The following DOP1B variants were observed in gnomAD, a reference collection of about 807,000 sequenced individuals.
DOP1B encodes protein DOP1B.
Under a neutral mutation model 233.5 loss-of-function variants are expected in DOP1B, and 174 were observed. That is an observed-to-expected ratio of 0.75 (90% CI 0.66 to 0.85). DOP1B has a LOEUF of 0.85. Among genes scored for constraint, DOP1B ranks in the 40% least tolerant of loss-of-function variants. The probability of loss-of-function intolerance (pLI) is 0.00; values close to 1 mark genes in which losing one functional copy is unlikely to be tolerated. For synonymous variants in DOP1B, 1,190 were observed against 1,185.6 expected (o/e 1.00, Z -0.08); for missense variants, 2,652 against 2,846.6 (o/e 0.93, Z 1.56).
At chr21:36,173,353 G>A (rs759690269) in intron 2 of DOP1B, among the ~76,000 whole-genome samples, 1 of 151,832 alleles carries the variant, frequency 6.6e-6, no homozygotes, top group Non-Finnish European at 1.5e-5. Context: ...GATTCTAATG[G>A]TATCATTTTC....
chr21:36,234,924 G>A (rs969394902), intron 15 of DOP1B, among the ~76,000 whole-genome samples: 2 of 152,146 alleles, frequency 1.3e-5, no homozygotes, highest in African/African-American at 4.8e-5. Flanking sequence ...ATTGTATGAT[G>A]ATCAAATCAT....
chr21:36,236,776 T>TC (rs1491414004), intron 15 of DOP1B, among the ~76,000 whole-genome samples: 1 of 112,882 alleles, frequency 8.9e-6, no homozygotes, highest in Non-Finnish European at 1.9e-5. Context: ...TTTTTCTTTT[T>TC]CTTTTTTTTT....
At chr21:36,287,707 C>T (rs1173635905) in intron 32 of DOP1B, among the ~76,000 whole-genome samples, 2 of 150,778 alleles carry the variant, frequency 1.3e-5, no homozygotes, top group Non-Finnish European at 2.9e-5. Context: ...CTGCCTCAGC[C>T]TCCCAAGTAG....
chr21:36,238,650 CAA>C lies in DOP1B; in HGVS notation c.2826_2827del (p.Glu944AspfsTer14), dbSNP rs536768028. 122 of 1,614,116 alleles carry C rather than the reference CAA, an allele frequency of 7.6e-5. No individual in the cohort carries two copies. The highest frequency in any genetic ancestry group is 1.0e-4 in the Non-Finnish European group (121 of 1,180,052). On this transcript the variant is annotated frameshift_variant, in exon 17 of 37. Coordinates refer to ENST00000691173, the MANE Select transcript of DOP1B (RefSeq NM_001320714.2). LOFTEE classifies it high-confidence loss of function. ...AGATTTTCCGTGATCTGGCATCTGA[CAA>C]GAGAGATCCAAGGCAGTCGAGTAAC... is the stretch of plus-strand genomic sequence containing the variant.
At chr21:36,232,719 C>T in intron 14 of DOP1B, 85 bp from the exon 15 acceptor site, 1 of 1,567,910 alleles carries the variant, frequency 6.4e-7, no homozygotes, top group Non-Finnish European at 8.7e-7. Context: ...CTTCCCAGAT[C>T]TAGGGTGCTG....
intron 12 of DOP1B, among the ~76,000 whole-genome samples, chr21:36,227,277 G>A (rs989499191): frequency 6.6e-6 from 1 of 151,668 alleles, no homozygotes; most frequent in Non-Finnish European, 1.5e-5. Flanking sequence ...GTCAGGCACG[G>A]TGGCTCACGC....
At chr21:36,214,757 G>A (rs183438870) in intron 9 of DOP1B, among the ~76,000 whole-genome samples, 3 of 152,190 alleles carry the variant, frequency 2.0e-5, no homozygotes, top group Non-Finnish European at 4.4e-5. Flanking sequence ...GGGCGCAGTG[G>A]CTCATGCCTG....
At chr21:36,209,515 T>C (rs1601413567) in intron 5 of DOP1B, among the ~76,000 whole-genome samples, 1 of 152,360 alleles carries the variant, frequency 6.6e-6, no homozygotes, top group Non-Finnish European at 1.5e-5. Flanking sequence ...GCAGAGGGTC[T>C]GCTGCATTGG....
At chr21:36,240,399 G>A (rs1455496218) in intron 18 of DOP1B, among the ~76,000 whole-genome samples, 2 of 152,172 alleles carry the variant, frequency 1.3e-5, no homozygotes, top group East Asian at 1.9e-4. Flanking sequence ...AGAATCTCTT[G>A]AACCCGGGAG....
chr21:36,241,110 C>A (rs1423290410), intron 18 of DOP1B, among the ~76,000 whole-genome samples: 1 of 151,732 alleles, frequency 6.6e-6, no homozygotes, highest in East Asian at 1.9e-4. Context: ...CTGGCTAACA[C>A]GGTGAAACCC....
chr21:36,164,707 G>C lies in DOP1B; in HGVS notation c.-26-1G>C. On this transcript the variant is annotated splice_acceptor_variant, in intron 1 of 36. Transcript: ENST00000691173. LOFTEE classifies it low-confidence loss of function (5UTR_SPLICE). ...TTGGTTATTTTTTGATTTGCTTTTA[G>C]ATACTTTTCTGCTGTGAGAATGTAA... 6.5e-7 allele frequency: 1 copy of C among 1,538,212 alleles called. No homozygotes were observed. Among genetic ancestry groups the C allele is most frequent in the Non-Finnish European group, 8.7e-7 (1 of 1,144,538 alleles).
intron 4 of DOP1B, among the ~76,000 whole-genome samples, chr21:36,206,220 T>A (rs1308893711): frequency 2.0e-5 from 3 of 152,108 alleles, no homozygotes; most frequent in Non-Finnish European, 2.9e-5. Flanking sequence ...CCATTTTTTT[T>A]AGAATAAAAT....
chr21:36,225,774 A>G, intron 12 of DOP1B, 107 bp downstream of exon 12: 2 of 1,093,034 alleles, frequency 1.8e-6, no homozygotes, highest in South Asian at 2.7e-5. Flanking sequence ...TTTTACATAA[A>G]TATGCAACAC....
At chr21:36,166,982 T>G (rs2065917147) in intron 2 of DOP1B, among the ~76,000 whole-genome samples, 1 of 152,178 alleles carries the variant, frequency 6.6e-6, no homozygotes, top group Non-Finnish European at 1.5e-5. Flanking sequence ...TGCAAATTCT[T>G]TGGTTTTACA....
At chr21:36,221,541 G>A (rs77300846) in intron 10 of DOP1B, among the ~76,000 whole-genome samples, 13,801 of 151,932 alleles carry the variant, frequency 0.091, 1,394 homozygotes, top group African/African-American at 0.24. Flanking sequence ...ATTTCTTATT[G>A]ATTGACTTTT....
intron 10 of DOP1B, among the ~76,000 whole-genome samples, chr21:36,221,230 C>T (rs1461924302): frequency 6.6e-6 from 1 of 152,064 alleles, no homozygotes; most frequent in African/African-American, 2.4e-5. Flanking sequence ...CAGTGGCTCA[C>T]GCCTGTAATT....
Position 36,247,604 on chromosome 21 carries a change from G to T in DOP1B, c.4785G>T (p.Leu1595Phe). 1.2e-6 allele frequency: 2 copies of T among 1,601,212 alleles called. No homozygotes were observed. Among genetic ancestry groups the T allele is most frequent in the East Asian group, 2.3e-5 (1 of 44,370 alleles). ...GLTTISHFCL[L>F]EQANQNKKTM... ...CGACCATTAGTCATTTTTGTCTTTT[G>T]GAACAAGCCAACCAAAACAAAAAGG... Residue 1595 changes from leucine to phenylalanine, a missense_variant, in exon 20 of 37, where the codon TTG (leucine) becomes TTT (phenylalanine). Physicochemically the swap from Leu to Phe is conservative, Grantham distance 22. Transcript: ENST00000691173.
In DOP1B at chr21:36,211,618, C is replaced by CG; in HGVS notation, c.748dup (p.Val250GlyfsTer15). The CG allele has an allele frequency of 6.2e-7, 1 of 1,614,048 alleles. No homozygotes were observed. Reference sequence around the variant, plus strand: ...TTGTGCAAAGAAATAATCTGGAAATCGTTCTGTTTTTCTTCCCATTTTATA... The same window carrying CG: ...TTGTGCAAAGAAATAATCTGGAAATCGGTTCTGTTTTTCTTCCCATTTTATA... On this transcript the variant is annotated frameshift_variant, in exon 6 of 37. Coordinates refer to ENST00000691173, the MANE Select transcript of DOP1B (RefSeq NM_001320714.2). LOFTEE classifies it high-confidence loss of function.
intron 1 of DOP1B, among the ~76,000 whole-genome samples, chr21:36,159,408 G>A (rs2776286): frequency 4.6e-5 from 7 of 152,122 alleles, no homozygotes; most frequent in Admixed American, 2.0e-4. Context: ...TTGAGATCGC[G>A]CCATTGCACT....
Sources: allele counts gnomAD v4.1 joint callset (sites outside exome capture counted in the v4.1 genomes callset), GRCh38; gene constraint gnomAD v4.1.1; transcripts MANE v1.5; gene names NCBI Gene and HGNC (gene_info 2026-07-23, HGNC 2026-07-21).